Variants in PCDHGB4 observed in about 807,000 individuals in gnomAD.
PCDHGB4 encodes the protein protocadherin gamma subfamily B, 4.
In PCDHGB4, 38 loss-of-function variants were observed where a neutral mutation model predicts 60.5. The observed-to-expected ratio is 0.63, with a 90% CI of 0.48 to 0.82. The LOEUF (loss-of-function observed/expected upper bound fraction) is 0.82. PCDHGB4 is among the 40% of genes least tolerant of loss of function. PCDHGB4 has a pLI of 0.00. For synonymous variants in PCDHGB4, 456 were observed against 509.7 expected (o/e 0.89, Z 1.42); for missense variants, 1,109 against 1,209.6 (o/e 0.92, Z 1.23).
At chr5:141,464,407 A>C (rs996561936) in intron 1 of PCDHGB4, among the ~76,000 whole-genome samples, 1 of 151,544 alleles carries the variant, frequency 6.6e-6, no homozygotes, top group Non-Finnish European at 1.5e-5. Flanking sequence ...CCTGAGATAT[A>C]TATATATCTA....
At chr5:141,399,864 G>A (rs762765678) in intron 1 of PCDHGB4, 1 of 1,612,860 alleles carries the variant, frequency 6.2e-7, no homozygotes. Flanking sequence ...GCGCTGCAGA[G>A]CCCGGCTACC....
chr5:141,409,345 A>T lies in PCDHGB4; in HGVS notation c.2397+19064A>T, dbSNP rs1012428329. 4 of 1,613,902 alleles carry T rather than the reference A, an allele frequency of 2.5e-6. No individual in the cohort carries two copies. In the African/African-American group the frequency reaches 5.3e-5, roughly 22 times the overall value. ...ATCTGGATTTCGGAGGAAATGGAGAAGTCAGGTGTAATATAGAAACAGACA... is the reference window on the plus strand; with the variant it reads ...ATCTGGATTTCGGAGGAAATGGAGATGTCAGGTGTAATATAGAAACAGACA... On this transcript the variant is annotated intron_variant, in intron 1 of 3. Transcript: ENST00000519479.
intron 1 of PCDHGB4, chr5:141,405,646 T>G: frequency 1.9e-6 from 1 of 526,208 alleles, no homozygotes; most frequent in East Asian, 3.2e-5. Flanking sequence ...GGCTAATTTT[T>G]TGTGTGTTTT....
intron 1 of PCDHGB4, chr5:141,395,555 TGTGTG>T: frequency 9.9e-6 from 1 of 101,256 alleles, no homozygotes; most frequent in Non-Finnish European, 1.7e-5. Context: ...TGTGTGTGTG[TGTGTG>T]TGTGTGTGTG....
intron 2 of PCDHGB4, among the ~76,000 whole-genome samples, chr5:141,500,901 G>A (rs984072329): frequency 7.6e-5 from 11 of 144,582 alleles, no homozygotes; most frequent in African/African-American, 2.6e-4. Flanking sequence ...AGACAGTCTC[G>A]CTCTGTCTCC....
At position 141,476,112 on chromosome 5, in the gene PCDHGB4, G is replaced by A. The variant is rs1201449171; in HGVS notation, c.2398-18695G>A. 2.5e-6 allele frequency: 4 copies of A among 1,590,646 alleles called. No homozygotes were observed. Among genetic ancestry groups the A allele is most frequent in the Non-Finnish European group, 2.6e-6 (3 of 1,170,830 alleles). ...CCCCGCTGAGAGGAACTGCTTTTGA[G>A]TGAGATGGTCCCAGAGGCCTGGAGG... On this transcript the variant is annotated intron_variant, in intron 1 of 3. Transcript: ENST00000519479. The surrounding 1 kb of genome is among the most constrained non-coding windows in gnomAD (Gnocchi z 7.6).
Position 141,431,818 on chromosome 5 carries a change from C to T in PCDHGB4, c.2397+41537C>T, listed in dbSNP as rs201311339. On this transcript the variant is annotated intron_variant, in intron 1 of 3. Coordinates refer to ENST00000519479, the MANE Select transcript of PCDHGB4 (RefSeq NM_003736.4). This position sits in a 1 kb window ranked among gnomAD's most constrained non-coding sequence, Gnocchi z 4.8. ...CAGAAGTGGTCCTCACCTCTCTCGCCAGCTCGGTTCCCGAAAACTCTCCCA... is the reference window on the plus strand; with the variant it reads ...CAGAAGTGGTCCTCACCTCTCTCGCTAGCTCGGTTCCCGAAAACTCTCCCA... 130 of 1,614,122 alleles carry T rather than the reference C, an allele frequency of 8.1e-5. No homozygotes were observed. Among genetic ancestry groups the T allele is most frequent in the Non-Finnish European group, 1.0e-4 (121 of 1,180,040 alleles).
intron 2 of PCDHGB4, among the ~76,000 whole-genome samples, chr5:141,504,689 G>A (rs1395389800): frequency 6.6e-6 from 1 of 151,502 alleles, no homozygotes; most frequent in South Asian, 2.1e-4. Context: ...TAAAATAGGA[G>A]GGGCAGGTTC....
At chr5:141,482,530 C>CTAAAAA in intron 1 of PCDHGB4, among the ~76,000 whole-genome samples, 1 of 76,560 alleles carries the variant, frequency 1.3e-5, no homozygotes, top group African/African-American at 4.8e-5. Context: ...GACAGACATG[C>CTAAAAA]AAAAAAAAAA....
rs375127524 is a variant in PCDHGB4, at chr5:141,490,702, C to G, written c.2398-4105C>G. ...AGATCCAGACACTGGGGATAATGCCCGCCTCACCTACTCCATTGTAGGAAA... is the reference window on the plus strand; with the variant it reads ...AGATCCAGACACTGGGGATAATGCCGGCCTCACCTACTCCATTGTAGGAAA... On this transcript the variant is annotated intron_variant, in intron 1 of 3. Coordinates refer to ENST00000519479, the MANE Select transcript of PCDHGB4 (RefSeq NM_003736.4). This position sits in a 1 kb window ranked among gnomAD's most constrained non-coding sequence, Gnocchi z 5.4. The G allele has an allele frequency of 1.2e-6, 2 of 1,614,060 alleles. No homozygotes were observed. Among genetic ancestry groups the G allele is most frequent in the Admixed American group, 1.7e-5 (1 of 60,008 alleles).
At chr5:141,458,820 C>T (rs2098954225) in intron 1 of PCDHGB4, among the ~76,000 whole-genome samples, 1 of 152,070 alleles carries the variant, frequency 6.6e-6, no homozygotes, top group African/African-American at 2.4e-5. Flanking sequence ...GCAACCTCTG[C>T]CTCCCAGGCT....
intron 1 of PCDHGB4, among the ~76,000 whole-genome samples, chr5:141,456,023 G>A (rs937523861): frequency 1.3e-5 from 2 of 151,586 alleles, no homozygotes; most frequent in South Asian, 2.1e-4. Context: ...TCAGCCTCCC[G>A]AGTAGCTGGG....
intron 1 of PCDHGB4, chr5:141,394,095 G>C (rs1222166545): frequency 1.9e-6 from 3 of 1,613,848 alleles, no homozygotes; most frequent in Non-Finnish European, 2.5e-6. Flanking sequence ...CTCAGATCTA[G>C]GAACACCACC....
At chr5:141,394,992 G>T (rs1392246245) in intron 1 of PCDHGB4, 50 of 1,614,044 alleles carry the variant, frequency 3.1e-5, no homozygotes, top group Non-Finnish European at 4.2e-5. Context: ...CCTGCTCCAG[G>T]ATTCCGGTGG....
At chr5:141,393,989 T>G in intron 1 of PCDHGB4, 1 of 1,613,634 alleles carries the variant, frequency 6.2e-7, no homozygotes, top group Non-Finnish European at 8.5e-7. Flanking sequence ...ATTTACCTTT[T>G]AAATTAGAAA....
chr5:141,493,560 C>T lies in PCDHGB4; in HGVS notation c.2398-1247C>T, dbSNP rs1222578153. ...TTATCCTTTTGGAGATTGAGTTCCCCCAGCTCCGTTTCCTCCTATCACAAT... is the reference window on the plus strand; with the variant it reads ...TTATCCTTTTGGAGATTGAGTTCCCTCAGCTCCGTTTCCTCCTATCACAAT... On this transcript the variant is annotated intron_variant, in intron 1 of 3. Transcript: ENST00000519479. The surrounding 1 kb of genome is among the most constrained non-coding windows in gnomAD (Gnocchi z 4.3). Among the ~76,000 whole-genome samples, 4 of 152,162 alleles carry T rather than the reference C, an allele frequency of 2.6e-5. No individual in the cohort carries two copies. The highest frequency in any genetic ancestry group is 2.1e-4 in the South Asian group (1 of 4,830).
intron 1 of PCDHGB4, chr5:141,419,774 C>T (rs2096431329): frequency 6.2e-7 from 1 of 1,613,902 alleles, no homozygotes; most frequent in Admixed American, 1.7e-5. Flanking sequence ...GGACTCGGTC[C>T]GCCAGCGCCT....
chr5:141,465,643 C>T (rs561758040), intron 1 of PCDHGB4, among the ~76,000 whole-genome samples: 2 of 152,306 alleles, frequency 1.3e-5, no homozygotes, highest in East Asian at 3.9e-4. Flanking sequence ...ATGCTTTGAA[C>T]ATCCCAAAAA....
At chr5:141,399,692 G>A (rs780007896) in intron 1 of PCDHGB4, 2 of 1,613,318 alleles carry the variant, frequency 1.2e-6, no homozygotes, top group Middle Eastern at 1.7e-4. Flanking sequence ...GAGCAGCTGC[G>A]CACCTTCGAA....
Sources: allele counts gnomAD v4.1 joint callset (sites outside exome capture counted in the v4.1 genomes callset), GRCh38; gene constraint gnomAD v4.1.1; non-coding constraint Gnocchi (gnomAD v3.1); transcripts MANE v1.5; gene names NCBI Gene and HGNC (gene_info 2026-07-23, HGNC 2026-07-21).